Variants in SGMS1 observed in about 807,000 individuals in gnomAD.
The protein encoded by SGMS1 is sphingomyelin synthase 1.
In SGMS1, 13 loss-of-function variants were observed where a neutral mutation model predicts 46.2. The ratio of observed to expected loss-of-function variants is 0.28; its 90% CI spans 0.18 to 0.45. The LOEUF is 0.45. SGMS1 is among the 20% of genes least tolerant of loss of function. The pLI, the probability that SGMS1 is intolerant of heterozygous loss-of-function variation, is 1.00. For missense variants in SGMS1, 324 were observed against 519.9 expected (o/e 0.62, Z 3.66); for synonymous variants, 203 against 187.8 (o/e 1.08, Z -0.66).
chr10:50,602,091 G>A (rs1272785207), intron 1 of SGMS1, among the ~76,000 whole-genome samples: 1 of 152,162 alleles, frequency 6.6e-6, no homozygotes, highest in Non-Finnish European at 1.5e-5. Flanking sequence ...CCCATTCTCT[G>A]GACACTTTAT....
In SGMS1 at chr10:50,392,587, T is replaced by C. The variant is rs562429437; in HGVS notation, c.-232+40889A>G. Among the ~76,000 whole-genome samples, 103 of 152,284 alleles carry C rather than the reference T, an allele frequency of 6.8e-4. 1 individual carries two copies. The South Asian group carries it at 0.02, about 29-fold the overall frequency. ...ATGAAGACCAGCCCAGCAAGCGCCA[T>C]GCAAAGGACAACACTACCAGAAAGT... On this transcript the variant is annotated intron_variant, in intron 6 of 10. Transcript: ENST00000361781.
chr10:50,417,681 G>A (rs1378925697), intron 6 of SGMS1, among the ~76,000 whole-genome samples: 2 of 152,120 alleles, frequency 1.3e-5, no homozygotes, highest in Non-Finnish European at 2.9e-5. Context: ...GAGAAAGTGA[G>A]TACTTCCCCA....
chr10:50,551,304 G>C (rs1266506716), intron 2 of SGMS1, among the ~76,000 whole-genome samples: 1 of 151,398 alleles, frequency 6.6e-6, no homozygotes, highest in African/African-American at 2.4e-5. Flanking sequence ...CATTAGAAAA[G>C]CATCAGACAA....
At chr10:50,492,182 C>A (rs1837573361) in intron 3 of SGMS1, among the ~76,000 whole-genome samples, 1 of 152,156 alleles carries the variant, frequency 6.6e-6, no homozygotes, top group African/African-American at 2.4e-5. Flanking sequence ...ATAATAAGAG[C>A]CATCTACAAC....
chr10:50,612,869 A>T (rs1300864370), intron 1 of SGMS1, among the ~76,000 whole-genome samples: 1 of 152,184 alleles, frequency 6.6e-6, no homozygotes. Flanking sequence ...CCTCCATGCC[A>T]GGCTAATTCT....
chr10:50,612,953 T>C (rs185309766), intron 1 of SGMS1, among the ~76,000 whole-genome samples: 1,577 of 152,300 alleles, frequency 0.01, 18 homozygotes, highest in Non-Finnish European at 0.018. Context: ...ATAGCCACGT[T>C]TTTTAAAAAC....
intron 2 of SGMS1, among the ~76,000 whole-genome samples, chr10:50,583,949 T>A (rs1451015840): frequency 1.3e-5 from 2 of 152,194 alleles, no homozygotes; most frequent in Non-Finnish European, 2.9e-5. Flanking sequence ...ATTTTTCCAA[T>A]GCCACAGAAC....
intron 9 of SGMS1, 62 bp from the exon 10 acceptor site, chr10:50,308,210 A>G (rs1269780765): frequency 6.9e-7 from 1 of 1,451,036 alleles, no homozygotes; most frequent in Non-Finnish European, 9.5e-7. Context: ...GCACCCAACT[A>G]TGCCTCTACT....
chr10:50,313,266 T>G (rs1847287126), intron 8 of SGMS1, among the ~76,000 whole-genome samples: 1 of 152,164 alleles, frequency 6.6e-6, no homozygotes, highest in South Asian at 2.1e-4. Flanking sequence ...AGACGGACAC[T>G]AAAGCTTTGC....
intron 6 of SGMS1, among the ~76,000 whole-genome samples, chr10:50,431,186 G>T (rs1849400718): frequency 6.6e-6 from 1 of 152,026 alleles, no homozygotes; most frequent in Non-Finnish European, 1.5e-5. Context: ...TAATCCAAAG[G>T]CAAGTCTCTC....
chr10:50,509,882 T>G (rs548233764), intron 3 of SGMS1, among the ~76,000 whole-genome samples: 32 of 152,320 alleles, frequency 2.1e-4, no homozygotes, highest in African/African-American at 7.5e-4. Context: ...GTTGGTGGTG[T>G]TTTTATTTTA....
chr10:50,336,204 G>C (rs924962882), intron 7 of SGMS1: 1 of 152,302 alleles, frequency 6.6e-6, no homozygotes, highest in African/African-American at 2.4e-5. Flanking sequence ...GATCTGGGAA[G>C]AGAAGGGTCA....
intron 2 of SGMS1, among the ~76,000 whole-genome samples, chr10:50,543,343 A>T (rs1838072566): frequency 6.6e-6 from 1 of 152,260 alleles, no homozygotes; most frequent in African/African-American, 2.4e-5. Flanking sequence ...GAGGCCCAAG[A>T]GCTGGCCCTC....
At chr10:50,559,579 G>A (rs996572606) in intron 2 of SGMS1, among the ~76,000 whole-genome samples, 2 of 152,088 alleles carry the variant, frequency 1.3e-5, no homozygotes, top group African/African-American at 4.8e-5. Flanking sequence ...ACTTCTCCAG[G>A]GTCACGCAGA....
At chr10:50,490,659 G>A (rs1837559580) in intron 3 of SGMS1, among the ~76,000 whole-genome samples, 1 of 152,206 alleles carries the variant, frequency 6.6e-6, no homozygotes, top group African/African-American at 2.4e-5. Flanking sequence ...GGAGGCCAAT[G>A]TGTAACTTCA....
intron 7 of SGMS1, among the ~76,000 whole-genome samples, chr10:50,338,578 G>A (rs537151877): frequency 6.6e-6 from 1 of 152,230 alleles, no homozygotes; most frequent in East Asian, 1.9e-4. Flanking sequence ...GAAAGATACT[G>A]CAACAGAAGT....
At chr10:50,359,427 A>C (rs1848211281) in intron 6 of SGMS1, among the ~76,000 whole-genome samples, 1 of 152,154 alleles carries the variant, frequency 6.6e-6, no homozygotes, top group African/African-American at 2.4e-5. Flanking sequence ...GAAAAGAGAG[A>C]ATTTGGGGAG....
chr10:50,525,869 G>A (rs1837896460), intron 2 of SGMS1, among the ~76,000 whole-genome samples: 1 of 152,170 alleles, frequency 6.6e-6, no homozygotes, highest in Admixed American at 6.5e-5. Context: ...TTTTAACTAA[G>A]GAGTCTATAG....
intron 6 of SGMS1, among the ~76,000 whole-genome samples, chr10:50,349,817 G>GT (rs1168204416): frequency 2.0e-5 from 3 of 152,238 alleles, no homozygotes; most frequent in Non-Finnish European, 4.4e-5. Flanking sequence ...ATGTGGAGCT[G>GT]TAAGTCCATT....
Sources: allele counts gnomAD v4.1 joint callset (sites outside exome capture counted in the v4.1 genomes callset), GRCh38; gene constraint gnomAD v4.1.1; transcripts MANE v1.5; gene names NCBI Gene and HGNC (gene_info 2026-07-23, HGNC 2026-07-21).